Variants in NMU observed in about 807,000 individuals in gnomAD.
NMU encodes the protein neuromedin U.
NMU carries 29 observed loss-of-function variants against 35.4 expected under a neutral mutation model. The ratio of observed to expected loss-of-function variants is 0.82; its 90% confidence interval spans 0.61 to 1.12. The LOEUF (loss-of-function observed/expected upper bound fraction) is 1.12. Among genes scored for constraint, NMU ranks in the 50% most tolerant of loss-of-function variants. The pLI is 0.00. For missense variants in NMU, 199 were observed against 206.2 expected (o/e 0.97, Z 0.21); for synonymous variants, 78 against 81.3 (o/e 0.96, Z 0.22).
chr4:55,613,079 C>T (rs1264668215), intron 3 of NMU, among the ~76,000 whole-genome samples: 1 of 152,078 alleles, frequency 6.6e-6, no homozygotes, highest in African/African-American at 2.4e-5. Flanking sequence ...CACACGTTCT[C>T]ACTTATAAGT....
At chr4:55,610,003 C>T (rs908431682) in intron 3 of NMU, among the ~76,000 whole-genome samples, 32 of 152,170 alleles carry the variant, frequency 2.1e-4, no homozygotes, top group African/African-American at 7.7e-4. Context: ...CATTTCTGCT[C>T]TTTATTAGCT....
intron 7 of NMU, 127 bp downstream of exon 7, chr4:55,605,148 G>C: frequency 1.3e-6 from 1 of 756,332 alleles, no homozygotes; most frequent in South Asian, 1.4e-5. Context: ...TCTTACATTG[G>C]CTAACTGGGT....
chr4:55,601,083 C>T (rs1733406329), intron 7 of NMU, among the ~76,000 whole-genome samples: 1 of 151,960 alleles, frequency 6.6e-6, no homozygotes, highest in African/African-American at 2.4e-5. Flanking sequence ...TTCAATGAAG[C>T]TTTAGGATAG....
intron 7 of NMU, 75 bp from the exon 8 acceptor site, chr4:55,600,650 G>T: frequency 9.4e-7 from 1 of 1,062,076 alleles, no homozygotes; most frequent in Non-Finnish European, 1.5e-6. Flanking sequence ...AAAGTATATT[G>T]AGGGTCAAAA....
intron 2 of NMU, among the ~76,000 whole-genome samples, chr4:55,618,198 A>C (rs942687895): frequency 1.3e-5 from 2 of 152,086 alleles, no homozygotes; most frequent in Non-Finnish European, 2.9e-5. Context: ...TGTAATTATT[A>C]TTATTTATTT....
intron 9 of NMU, among the ~76,000 whole-genome samples, chr4:55,596,221 T>A (rs1733174085): frequency 6.6e-6 from 1 of 152,062 alleles, no homozygotes; most frequent in South Asian, 2.1e-4. Context: ...CCTTAGAAAA[T>A]CAGATGAGAA....
At chr4:55,603,134 AT>A (rs1275996486) in intron 7 of NMU, among the ~76,000 whole-genome samples, 1 of 151,944 alleles carries the variant, frequency 6.6e-6, no homozygotes, top group Admixed American at 6.6e-5. Context: ...AATAGCTGGG[AT>A]TACAGGTGCC....
intron 4 of NMU, 106 bp downstream of exon 4, chr4:55,609,014 C>G: frequency 2.2e-6 from 2 of 908,424 alleles, no homozygotes; most frequent in Non-Finnish European, 3.7e-6. Context: ...CCTCTTCTAA[C>G]CTGTCTTGGC....
intron 5 of NMU, 27 bp from the exon 6 acceptor site, chr4:55,607,375 C>T: frequency 1.3e-6 from 2 of 1,498,516 alleles, no homozygotes; most frequent in Non-Finnish European, 1.9e-6. Context: ...GTAAGTTTTA[C>T]TATAAAAATT....
chr4:55,605,070 G>C (rs1733623019), intron 7 of NMU, among the ~76,000 whole-genome samples: 1 of 152,106 alleles, frequency 6.6e-6, no homozygotes, highest in Non-Finnish European at 1.5e-5. Flanking sequence ...AGCTAGAAGG[G>C]ACACAATATT....
chr4:55,633,100 A>C (rs1906674), intron 1 of NMU, among the ~76,000 whole-genome samples: 1 of 151,774 alleles, frequency 6.6e-6, no homozygotes. Flanking sequence ...CAAGGCGGGC[A>C]TATCACCAGG....
chr4:55,610,081 C>T (rs1176029038), intron 3 of NMU, among the ~76,000 whole-genome samples: 1 of 152,128 alleles, frequency 6.6e-6, no homozygotes, highest in African/African-American at 2.4e-5. Flanking sequence ...TCGGGGATGA[C>T]ATTGCTGCAG....
At chr4:55,616,580 C>G (rs1311587556) in intron 2 of NMU, among the ~76,000 whole-genome samples, 195 bp from the exon 3 acceptor site, 1 of 152,124 alleles carries the variant, frequency 6.6e-6, no homozygotes, top group Non-Finnish European at 1.5e-5. Flanking sequence ...AAGATGTCCC[C>G]CTGACCGCAG....
chr4:55,603,939 A>ATATGTGTATATATGTGTATATATATACG lies in NMU; in HGVS notation c.435+1335_435+1336insCGTATATATATACACATATATACACATA, dbSNP rs1560513422. ...AAAAAAAAAAAAAATATATATATATATATATATGTATATATGTGTATATAT... is the reference window on the plus strand; with the variant it reads ...AAAAAAAAAAAAAATATATATATATATATGTGTATATATGTGTATATATATACGTATATATGTATATATGTGTATATAT... On this transcript the variant is annotated intron_variant, in intron 7 of 9. Coordinates refer to ENST00000264218, the MANE Select transcript of NMU (RefSeq NM_006681.4). 3.0e-4 allele frequency among the ~76,000 whole-genome samples: 19 copies of ATATGTGTATATATGTGTATATATATACG among 63,850 alleles called. 4 individuals are homozygous for ATATGTGTATATATGTGTATATATATACG. Among genetic ancestry groups the ATATGTGTATATATGTGTATATATATACG allele is most frequent in the African/African-American group, 7.3e-4 (12 of 16,400 alleles). The allele number at this position is 63,850 out of a possible 152,430, so 41.9% of individuals were successfully genotyped here.
rs1336710732 is a variant in NMU, at chr4:55,630,432, C to T, written c.141G>A (p.Gln47=). The change falls in exon 2 of 10, where the codon CAG becomes CAA. Residue 47 remains glutamine, a synonymous_variant. Transcript: ENST00000264218. ...TCCACAACTGTAGCTGTTGTTCAGG[C>T]TGTAATCCTTGAGGTAATATTGGAG... is the stretch of plus-strand genomic sequence containing the variant. ...RGAPILPQGL[Q]PEQQLQLWNE... is the part of the protein sequence containing the mutation. 1.2e-6 allele frequency: 2 copies of T among 1,612,578 alleles called. No individual in the cohort carries two copies. The highest frequency in any genetic ancestry group is 4.5e-5 in the East Asian group (2 of 44,744).
chr4:55,628,930 C>T (rs2110211631), intron 2 of NMU, among the ~76,000 whole-genome samples: 1 of 152,030 alleles, frequency 6.6e-6, no homozygotes, highest in East Asian at 1.9e-4. Flanking sequence ...AAATTTCTCT[C>T]TAGCTACTGT....
chr4:55,633,206 T>A (rs1715712351), intron 1 of NMU, among the ~76,000 whole-genome samples: 1 of 151,700 alleles, frequency 6.6e-6, no homozygotes. Context: ...GCACCTGTAG[T>A]CCCAGCTATT....
At chr4:55,618,706 CTTT>C (rs1228325825) in intron 2 of NMU, among the ~76,000 whole-genome samples, 3 of 130,540 alleles carry the variant, frequency 2.3e-5, no homozygotes, top group African/African-American at 8.4e-5. Flanking sequence ...TCTCTTCTTT[CTTT>C]TTCTTTCTTC....
chr4:55,629,614 T>C (rs1734676779), intron 2 of NMU, among the ~76,000 whole-genome samples: 1 of 16,782 alleles, frequency 6.0e-5, no homozygotes, highest in South Asian at 3.7e-3. Flanking sequence ...AGACCATGTC[T>C]CAAAAAAAAA....
Sources: allele counts gnomAD v4.1 joint callset (sites outside exome capture counted in the v4.1 genomes callset), GRCh38; gene constraint gnomAD v4.1.1; transcripts MANE v1.5; gene names NCBI Gene and HGNC (gene_info 2026-07-23, HGNC 2026-07-21).